The following UNC5C variants were observed in gnomAD, a reference collection of about 807,000 sequenced individuals.
UNC5C encodes the protein unc-5 netrin receptor C.
Under a neutral mutation model 99.8 loss-of-function variants are expected in UNC5C, and 47 were observed. The ratio of observed to expected loss-of-function variants is 0.47; its 90% CI spans 0.37 to 0.60. The LOEUF is 0.60. UNC5C is among the 20% of genes least tolerant of loss of function. The pLI is 0.00. For missense variants in UNC5C, 1,062 were observed against 1,165.9 expected (o/e 0.91, Z 1.30); for synonymous variants, 487 against 452.2 (o/e 1.08, Z -0.98).
At chr4:95,265,705 A>T (rs1740419871) in intron 4 of UNC5C, among the ~76,000 whole-genome samples, 1 of 152,208 alleles carries the variant, frequency 6.6e-6, no homozygotes, top group Admixed American at 6.5e-5. Context: ...TTTTGAAAAC[A>T]TACAGTCAAA....
chr4:95,240,624 A>AC (rs5860396), intron 7 of UNC5C, among the ~76,000 whole-genome samples: 5,555 of 151,760 alleles, frequency 0.037, 112 homozygotes, highest in South Asian at 0.081. Context: ...ATACAAACAA[A>AC]AACAAACACA....
chr4:95,372,405 A>G (rs1744773819), intron 1 of UNC5C, among the ~76,000 whole-genome samples: 1 of 152,198 alleles, frequency 6.6e-6, no homozygotes, highest in Non-Finnish European at 1.5e-5. Flanking sequence ...ACCCACTGAC[A>G]CAAATGCAGA....
At chr4:95,342,287 AAAG>A (rs1390180747) in intron 1 of UNC5C, among the ~76,000 whole-genome samples, 1 of 152,012 alleles carries the variant, frequency 6.6e-6, no homozygotes, top group African/African-American at 2.4e-5. Context: ...AGGGAAGAGT[AAAG>A]AAGACTTTCT....
At chr4:95,519,270 A>G (rs1722292008) in intron 1 of UNC5C, among the ~76,000 whole-genome samples, 1 of 152,160 alleles carries the variant, frequency 6.6e-6, no homozygotes, top group Admixed American at 6.5e-5. Flanking sequence ...AGCTATTACA[A>G]TAAGGTCAGC....
chr4:95,173,544 T>G (rs1736212029), intron 14 of UNC5C, among the ~76,000 whole-genome samples: 2 of 147,450 alleles, frequency 1.4e-5, no homozygotes, highest in African/African-American at 5.0e-5. Context: ...GGATTACATT[T>G]ATTGATTTGC....
chr4:95,219,037 G>T lies in UNC5C; in HGVS notation c.1577C>A (p.Thr526Asn). ...GCCAAATGCGGTACAGGATGGATCA[G>T]TCTGCCTTGCTAGACTCTGGTTCTT... ...SLKNQSLARQ[T>N]DPSCTAFGSF... Residue 526 changes from threonine (T) to asparagine (N), a missense_variant, in exon 9 of 16, where the codon ACT (threonine) becomes AAT (asparagine). Coordinates refer to ENST00000453304, the MANE Select transcript of UNC5C (RefSeq NM_003728.4). 6.2e-7 allele frequency: 1 copy of T among 1,614,214 alleles called. No individual in the cohort carries two copies. Among genetic ancestry groups the T allele is most frequent in the Non-Finnish European group, 8.5e-7 (1 of 1,180,036 alleles).
chr4:95,450,203 G>A (rs554831154), intron 1 of UNC5C, among the ~76,000 whole-genome samples: 3 of 152,262 alleles, frequency 2.0e-5, no homozygotes, highest in African/African-American at 7.2e-5. Context: ...AAATTGTAAG[G>A]TGGTGCTTCT....
intron 4 of UNC5C, among the ~76,000 whole-genome samples, chr4:95,260,235 C>T (rs758383146): frequency 5.9e-5 from 9 of 152,046 alleles, no homozygotes; most frequent in East Asian, 3.8e-4. Flanking sequence ...ACATGCAAAA[C>T]GAAACAAAAA....
chr4:95,448,958 G>A lies in UNC5C; in HGVS notation c.124+99776C>T, dbSNP rs530148463. Among the ~76,000 whole-genome samples, 3 of 152,158 alleles carry A rather than the reference G, an allele frequency of 2.0e-5. No homozygotes were observed. The East Asian group carries it at 5.8e-4, about 29-fold the overall frequency. On this transcript the variant is annotated intron_variant, in intron 1 of 15. Transcript: ENST00000453304. ...TCTAAGTAGACTCTTCTAATGTCAT[G>A]GGGCCATTTGATCCAAGGCTACGCC...
intron 9 of UNC5C, among the ~76,000 whole-genome samples, chr4:95,218,752 T>C (rs182542765): frequency 6.6e-6 from 1 of 152,310 alleles, no homozygotes; most frequent in East Asian, 1.9e-4. Flanking sequence ...GTATAGAATT[T>C]CTAGAGGAAG....
intron 7 of UNC5C, among the ~76,000 whole-genome samples, chr4:95,238,740 C>A (rs762547236): frequency 7.0e-4 from 107 of 152,270 alleles, no homozygotes; most frequent in Middle Eastern, 3.4e-3. Context: ...TATGTATTAA[C>A]AAAACTTCCC....
intron 7 of UNC5C, among the ~76,000 whole-genome samples, chr4:95,228,786 C>G (rs1419342110): frequency 1.3e-5 from 2 of 152,170 alleles, no homozygotes; most frequent in East Asian, 3.8e-4. Flanking sequence ...AAATATCTCT[C>G]CATTTGAAAT....
rs1376220705 is a variant in UNC5C, at chr4:95,214,538, C to A, written c.1733+1586G>T. ...TGTACAATTATCCTGGTTCGGCTGC[C>A]AAGGAAAGTATGGGGAGAGCAGGCA... On this transcript the variant is annotated intron_variant, in intron 10 of 15. Coordinates refer to ENST00000453304, the MANE Select transcript of UNC5C (RefSeq NM_003728.4). 3.3e-5 allele frequency among the ~76,000 whole-genome samples: 5 copies of A among 152,306 alleles called. No homozygotes were observed. In the South Asian group the frequency reaches 1.0e-3, roughly 32 times the overall value.
intron 1 of UNC5C, among the ~76,000 whole-genome samples, chr4:95,431,094 T>C (rs530617165): frequency 6.6e-6 from 1 of 152,194 alleles, no homozygotes; most frequent in South Asian, 2.1e-4. Context: ...TAAAATGTCT[T>C]CACCCTCTCA....
At chr4:95,476,273 T>C (rs568765389) in intron 1 of UNC5C, among the ~76,000 whole-genome samples, 1 of 152,188 alleles carries the variant, frequency 6.6e-6, no homozygotes, top group Admixed American at 6.5e-5. Flanking sequence ...CTCTGATACA[T>C]GGATTAGCTT....
chr4:95,329,407 A>T (rs1158398725), intron 2 of UNC5C, among the ~76,000 whole-genome samples: 1 of 152,234 alleles, frequency 6.6e-6, no homozygotes, highest in Non-Finnish European at 1.5e-5. Flanking sequence ...ATATTTTCAG[A>T]TAGTTCCTAG....
Position 95,278,376 on chromosome 4 carries a change from G to A in UNC5C, c.491-14C>T. 1 of 1,597,466 alleles carries A rather than the reference G, an allele frequency of 6.3e-7. No homozygotes were observed. Among genetic ancestry groups the A allele is most frequent in the Non-Finnish European group, 8.6e-7 (1 of 1,165,096 alleles). On this transcript the variant is annotated splice_polypyrimidine_tract_variant and intron_variant, in intron 3 of 15. Transcript: ENST00000453304. ...TCTTCCGTAGATCTGGAACGTAAAA[G>A]TGACAAAATACATGTCAAAATTAAA...
chr4:95,283,031 G>A (rs1741116644), intron 3 of UNC5C, among the ~76,000 whole-genome samples: 1 of 152,030 alleles, frequency 6.6e-6, no homozygotes, highest in South Asian at 2.1e-4. Flanking sequence ...TCATTTTGGG[G>A]TATTGTTTTC....
intron 4 of UNC5C, among the ~76,000 whole-genome samples, chr4:95,259,598 C>T (rs140000201): frequency 2.5e-3 from 377 of 152,210 alleles, no homozygotes; most frequent in African/African-American, 8.7e-3. Flanking sequence ...TTCCTTTAAA[C>T]TCTATGAGTT....
Sources: allele counts gnomAD v4.1 joint callset (sites outside exome capture counted in the v4.1 genomes callset), GRCh38; gene constraint gnomAD v4.1.1; transcripts MANE v1.5; gene names NCBI Gene and HGNC (gene_info 2026-07-23, HGNC 2026-07-21).